The following TMEM94 variants were observed in gnomAD, a reference collection of about 807,000 sequenced individuals.
TMEM94 encodes the protein ER Mg2+ ATPase.
In TMEM94, 81 loss-of-function variants were observed where a neutral mutation model predicts 158.6. The ratio of observed to expected loss-of-function variants is 0.51; its 90% CI spans 0.43 to 0.61. The LOEUF is 0.61. Among genes scored for constraint, TMEM94 ranks in the 20% least tolerant of loss-of-function variants. The probability of loss-of-function intolerance (pLI) is 0.00; values close to 1 mark genes in which losing one functional copy is unlikely to be tolerated. For missense variants in TMEM94, 1,435 were observed against 1,762.0 expected (o/e 0.81, Z 3.32); for synonymous variants, 751 against 730.7 (o/e 1.03, Z -0.45).
rs1052420155 is a variant in TMEM94, at chr17:75,491,999, G to A, written c.1596+99G>A. 3.0e-5 allele frequency: 37 copies of A among 1,222,766 alleles called. No individual in the cohort carries two copies. Among genetic ancestry groups the A allele is most frequent in the Middle Eastern group, 2.7e-4 (1 of 3,722 alleles). The allele number at this position is 1,222,766 out of a possible 1,614,324, so 75.7% of individuals were successfully genotyped here. A position where few individuals can be genotyped will look rare whatever the true frequency, so the allele number is the denominator to read the frequency against. ...CCTCACAAGGTCTGAAAGAGCAGGCGTCTCTGCCCTCTGTCCCAGCACCTC... is the reference window on the plus strand; with the variant it reads ...CCTCACAAGGTCTGAAAGAGCAGGCATCTCTGCCCTCTGTCCCAGCACCTC... On this transcript the variant is annotated intron_variant, in intron 14 of 31. Coordinates refer to ENST00000314256, the MANE Select transcript of TMEM94 (RefSeq NM_014738.6). The surrounding 1 kb of genome is among the most constrained non-coding windows in gnomAD (Gnocchi z 5.1).
At position 75,496,279 on chromosome 17, in the gene TMEM94, C is replaced by T; in HGVS notation, c.3054-3C>T. The T allele has an allele frequency of 6.2e-7, 1 of 1,614,192 alleles. No individual in the cohort carries two copies. Among genetic ancestry groups the T allele is most frequent in the South Asian group, 1.1e-5 (1 of 91,090 alleles). On this transcript the variant is annotated splice_region_variant and splice_polypyrimidine_tract_variant and intron_variant, in intron 23 of 31. Coordinates refer to ENST00000314256, the MANE Select transcript of TMEM94 (RefSeq NM_014738.6). ...AAGTGTGTGTGTCCCCCACCCTGAG[C>T]AGCATTGCCCTGGATCCCCTGTACC...
intron 1 of TMEM94, among the ~76,000 whole-genome samples, chr17:75,465,679 A>ATATATATATATATTT (rs1247855961): frequency 1.6e-5 from 2 of 124,844 alleles, no homozygotes; most frequent in African/African-American, 3.5e-5. Flanking sequence ...ATATATATAT[A>ATATATATATATATTT]TTTTTTTTTA....
chr17:75,494,587 G>A, intron 18 of TMEM94, 40 bp from the exon 19 acceptor site: 1 of 1,603,358 alleles, frequency 6.2e-7, no homozygotes. Flanking sequence ...TGGTTCCTGG[G>A]TGTCCTGATC....
intron 1 of TMEM94, chr17:75,459,638 G>T (rs1259549186): frequency 6.6e-6 from 1 of 152,112 alleles, no homozygotes; most frequent in Non-Finnish European, 1.5e-5. Context: ...TACACCCAAG[G>T]CTGTATGTAT....
intron 2 of TMEM94, chr17:75,476,595 C>T: frequency 1.3e-6 from 2 of 1,510,156 alleles, no homozygotes; most frequent in Non-Finnish European, 1.8e-6. Flanking sequence ...CGTCTCTTCT[C>T]TCCTCTTCTC....
At chr17:75,496,636 C>T in intron 24 of TMEM94, 94 bp from the exon 25 acceptor site, 2 of 1,435,758 alleles carry the variant, frequency 1.4e-6, no homozygotes, top group Non-Finnish European at 9.8e-7. Flanking sequence ...TAGAAGCATC[C>T]TGGGCGTCTG....
chr17:75,463,168 GTGTGTGTGTGTA>G (rs58487010), intron 1 of TMEM94, among the ~76,000 whole-genome samples: 3,808 of 68,778 alleles, frequency 0.055, 320 homozygotes, highest in Middle Eastern at 0.14. Flanking sequence ...ATATGTGTGT[GTGTGTGTGTGTA>G]TATATATATA....
At chr17:75,458,832 C>T (rs903341445) in intron 1 of TMEM94, among the ~76,000 whole-genome samples, 6 of 151,858 alleles carry the variant, frequency 4.0e-5, no homozygotes, top group African/African-American at 1.4e-4. Context: ...CAGAGGCAGG[C>T]GGATCACGAG....
At position 75,493,661 on chromosome 17, in the gene TMEM94, A is replaced by G. The variant is rs776988489; in HGVS notation, c.2190-38A>G. The G allele has an allele frequency of 3.7e-6, 6 of 1,613,532 alleles. 1 individual carries two copies. The South Asian group carries it at 5.5e-5, about 15-fold the overall frequency. ...GCCGGGGCACCTGCCCTTCACAGGC[A>G]GGAACACTCACCTCACCTCCGCCTG... is the stretch of plus-strand genomic sequence containing the variant. On this transcript the variant is annotated intron_variant, in intron 17 of 31. Transcript: ENST00000314256.
chr17:75,462,229 T>C (rs563114974), intron 1 of TMEM94, among the ~76,000 whole-genome samples: 11 of 151,872 alleles, frequency 7.2e-5, no homozygotes, highest in African/African-American at 2.4e-4. Flanking sequence ...GCCAGGATGG[T>C]CTCGATCTCT....
At chr17:75,493,644 A>G (rs759677234) in intron 17 of TMEM94, 51 bp downstream of exon 17, 1 of 1,612,468 alleles carries the variant, frequency 6.2e-7, no homozygotes, top group Non-Finnish European at 8.5e-7. Context: ...CTGCCGGGGC[A>G]CCTGCCCTTC....
intron 1 of TMEM94, among the ~76,000 whole-genome samples, chr17:75,460,142 T>C (rs2050016622): frequency 6.6e-6 from 1 of 152,166 alleles, no homozygotes; most frequent in Admixed American, 6.5e-5. Context: ...AACCACACAC[T>C]GCTTGCTTTG....
At chr17:75,479,281 G>A (rs907072134) in intron 2 of TMEM94, among the ~76,000 whole-genome samples, 3 of 151,982 alleles carry the variant, frequency 2.0e-5, no homozygotes, top group African/African-American at 7.3e-5. Flanking sequence ...GGGCAACATA[G>A]CAAGACCTCA....
chr17:75,473,262 C>G (rs184913820), intron 2 of TMEM94, among the ~76,000 whole-genome samples: 389 of 152,308 alleles, frequency 2.6e-3, no homozygotes, highest in Non-Finnish European at 2.8e-3. Context: ...TGTGCTTGGC[C>G]TCCTGTTCAT....
chr17:75,488,986 C>A, intron 7 of TMEM94, 76 bp downstream of exon 7: 1 of 1,467,070 alleles, frequency 6.8e-7, no homozygotes, highest in Non-Finnish European at 9.2e-7. Context: ...AAGGAAGGGG[C>A]CCCGTTCATC....
At position 75,498,039 on chromosome 17, in the gene TMEM94, G is replaced by C. The variant is rs1302083292; in HGVS notation, c.3490-136G>C. 7.9e-7 allele frequency: 1 copy of C among 1,268,456 alleles called. No homozygotes were observed. Among genetic ancestry groups the C allele is most frequent in the African/African-American group, 1.5e-5 (1 of 67,480 alleles). The allele number at this position is 1,268,456 out of a possible 1,614,324, so 78.6% of individuals were successfully genotyped here. On this transcript the variant is annotated intron_variant, in intron 27 of 31. Coordinates refer to ENST00000314256, the MANE Select transcript of TMEM94 (RefSeq NM_014738.6). The surrounding 1 kb of genome is among the most constrained non-coding windows in gnomAD (Gnocchi z 6.7). ...GAGGTAGTGGCACAGAGCTGGGAAA[G>C]ACCCTTGCTGGGGCTTGAGCTCCCT...
chr17:75,476,628 C>G, intron 2 of TMEM94: 1 of 1,531,212 alleles, frequency 6.5e-7, no homozygotes, highest in Non-Finnish European at 8.7e-7. Context: ...TTCACCCTCC[C>G]CGCTTTGAGG....
intron 1 of TMEM94, among the ~76,000 whole-genome samples, chr17:75,458,546 C>G (rs2049962007): frequency 6.6e-6 from 1 of 151,784 alleles, no homozygotes; most frequent in South Asian, 2.1e-4. Flanking sequence ...AAAAAATTAG[C>G]TGGGCATGGT....
At chr17:75,497,687 C>A in intron 26 of TMEM94, 94 bp from the exon 27 acceptor site, 1 of 969,578 alleles carries the variant, frequency 1.0e-6, no homozygotes, top group Non-Finnish European at 1.6e-6. Context: ...CCAGACTCGA[C>A]CTCACGCGCA....
Sources: gnomAD v4.1 joint callset for allele counts (sites outside exome capture counted in the v4.1 genomes callset) on GRCh38, gnomAD v4.1.1 for gene constraint, Gnocchi (gnomAD v3.1) non-coding constraint, MANE v1.5 for transcripts, NCBI Gene and HGNC (gene_info 2026-07-23, HGNC 2026-07-21) for gene names.